ZFR: variants seen among roughly 807,000 people sequenced by gnomAD.
ZFR encodes the protein zinc finger RNA-binding protein.
A neutral mutation model predicts 130.7 loss-of-function variants in ZFR; 19 were observed. The observed-to-expected ratio is 0.15, with a 90% confidence interval of 0.10 to 0.21. ZFR has a LOEUF of 0.21. ZFR is among the 10% of genes least tolerant of loss of function. ZFR has a pLI of 1.00. For synonymous variants in ZFR, 466 were observed against 456.9 expected, an observed-to-expected ratio of 1.02 and a Z score of -0.25; for missense variants, 872 against 1,321.5, an observed-to-expected ratio of 0.66 and a Z score of 5.27.
At chr5:32,395,101 C>G in intron 11 of ZFR, 58 bp downstream of exon 11, 6 of 1,487,406 alleles carry the variant, frequency 4.0e-6, no homozygotes, top group Non-Finnish European at 5.4e-6. Flanking sequence ...CTCAGAATGG[C>G]TAAGTTTTTA....
At chr5:32,441,911 A>G (rs190739187) in intron 2 of ZFR, among the ~76,000 whole-genome samples, 1 of 151,766 alleles carries the variant, frequency 6.6e-6, no homozygotes, top group Admixed American at 6.6e-5. Flanking sequence ...CAATTTAGTA[A>G]CCTGGATTGT....
At position 32,355,878 on chromosome 5, in the gene ZFR, G is replaced by A. The variant is rs188587725; in HGVS notation, c.3107C>T (p.Pro1036Leu). The change falls in exon 20 of 20, where the codon CCG becomes CTG. Residue 1036 changes from proline (P) to leucine (L), a missense_variant. Coordinates refer to ENST00000265069, the MANE Select transcript of ZFR (RefSeq NM_016107.5). Reference sequence around the variant, plus strand: ...GATGTTAAAACGTTGGCTCATTTGCGGTAATGGATCCATGCCTAGAACTTT... The same window carrying A: ...GATGTTAAAACGTTGGCTCATTTGCAGTAATGGATCCATGCCTAGAACTTT... ...IHKVLGMDPL[P>L]QMSQRFNIHN... 43 of 1,611,248 alleles carry A rather than the reference G, an allele frequency of 2.7e-5. No individual in the cohort carries two copies. The Admixed American group carries it at 3.0e-4, about 11-fold the overall frequency.
chr5:32,432,375 T>G (rs1209603377), intron 2 of ZFR, among the ~76,000 whole-genome samples: 1 of 152,174 alleles, frequency 6.6e-6, no homozygotes, highest in East Asian at 1.9e-4. Flanking sequence ...TGGCCCATTG[T>G]GGTTTTGATT....
Position 32,355,726 on chromosome 5 carries a change from T to G in ZFR, c.*34A>C. The G allele has an allele frequency of 6.6e-7, 1 of 1,520,270 alleles. No homozygotes were observed. The highest frequency in any genetic ancestry group is 1.4e-5 in the African/African-American group (1 of 70,860). 94.2% of individuals were successfully genotyped at this position (1,520,270 alleles called of 1,614,324 possible). On this transcript the variant is annotated 3_prime_UTR_variant, in exon 20 of 20. Coordinates refer to ENST00000265069, the MANE Select transcript of ZFR (RefSeq NM_016107.5). ...GAAAAACAGCCAACAAATGGGCATC[T>G]GTTTTTTTAACACTGAAGATTTACA...
At chr5:32,424,622 C>A (rs1226067558) in intron 2 of ZFR, among the ~76,000 whole-genome samples, 1 of 151,410 alleles carries the variant, frequency 6.6e-6, no homozygotes, top group African/African-American at 2.4e-5. Flanking sequence ...CAATAAAAGA[C>A]TTTATAGGTG....
intron 2 of ZFR, among the ~76,000 whole-genome samples, chr5:32,435,715 C>A (rs1028359157): frequency 1.3e-5 from 2 of 152,244 alleles, no homozygotes; most frequent in South Asian, 2.1e-4. Flanking sequence ...CCATTTAATG[C>A]TGACTACCAT....
intron 8 of ZFR, among the ~76,000 whole-genome samples, chr5:32,402,788 A>G (rs1753487489): frequency 6.6e-6 from 1 of 151,644 alleles, no homozygotes; most frequent in East Asian, 1.9e-4. Context: ...AAAAATGAAA[A>G]AAAAAAAAAC....
intron 17 of ZFR, among the ~76,000 whole-genome samples, chr5:32,376,119 G>A (rs1752802791): frequency 6.6e-6 from 1 of 151,770 alleles, no homozygotes; most frequent in African/African-American, 2.4e-5. Flanking sequence ...TGGGATTACA[G>A]GCATGAGCCA....
At chr5:32,440,781 TA>T (rs1342007529) in intron 2 of ZFR, among the ~76,000 whole-genome samples, 1 of 152,128 alleles carries the variant, frequency 6.6e-6, no homozygotes, top group African/African-American at 2.4e-5. Flanking sequence ...AAAAATGTGG[TA>T]ACTAATCTAC....
chr5:32,402,209 T>G (rs566140913), intron 8 of ZFR, among the ~76,000 whole-genome samples: 18 of 152,290 alleles, frequency 1.2e-4, no homozygotes, highest in African/African-American at 4.3e-4. Context: ...CACTACCATT[T>G]AATGAACACA....
chr5:32,389,925 C>T (rs960120833), intron 12 of ZFR, among the ~76,000 whole-genome samples: 5 of 152,156 alleles, frequency 3.3e-5, no homozygotes, highest in African/African-American at 9.7e-5. Flanking sequence ...CCCAGGCGGA[C>T]GGATCTCCTG....
intron 2 of ZFR, among the ~76,000 whole-genome samples, chr5:32,440,254 T>G (rs1385057964): frequency 6.6e-6 from 1 of 152,216 alleles, no homozygotes; most frequent in Non-Finnish European, 1.5e-5. Context: ...TGAAATCTGC[T>G]TTATCCTGTG....
chr5:32,416,976 A>G (rs1466600399), intron 4 of ZFR, among the ~76,000 whole-genome samples: 1 of 151,206 alleles, frequency 6.6e-6, no homozygotes, highest in Non-Finnish European at 1.5e-5. Context: ...GGTTTGTTAC[A>G]TATGTATACA....
At chr5:32,430,178 C>T (rs1332541459) in intron 2 of ZFR, among the ~76,000 whole-genome samples, 3 of 150,554 alleles carry the variant, frequency 2.0e-5, no homozygotes, top group Non-Finnish European at 2.9e-5. Flanking sequence ...TTTTTTGAGA[C>T]CACAGGCATT....
chr5:32,437,396 A>G (rs1754362863), intron 2 of ZFR, among the ~76,000 whole-genome samples: 1 of 152,174 alleles, frequency 6.6e-6, no homozygotes, highest in South Asian at 2.1e-4. Context: ...ATACAAGACT[A>G]ATATTCAAAT....
intron 17 of ZFR, among the ~76,000 whole-genome samples, chr5:32,378,171 T>A (rs1171041484): frequency 6.6e-6 from 1 of 152,220 alleles, no homozygotes; most frequent in African/African-American, 2.4e-5. Flanking sequence ...TAGCAATTTA[T>A]TCCGCCCTCA....
chr5:32,432,987 C>CT (rs1314954681), intron 2 of ZFR, among the ~76,000 whole-genome samples: 3 of 151,988 alleles, frequency 2.0e-5, no homozygotes, highest in African/African-American at 4.8e-5. Context: ...CCGCTTCAGC[C>CT]TCCCAAAGTG....
In ZFR at chr5:32,432,575, TC is replaced by T. The variant is rs1193063060; in HGVS notation, c.137+11653del. ...AAACTCCTGAGGTCAAGTAATCCTC[TC>T]CCCTCAGCCTCCCAAAGTGTTGGGA... On this transcript the variant is annotated intron_variant, in intron 2 of 19. Transcript: ENST00000265069. 9.9e-5 allele frequency among the ~76,000 whole-genome samples: 15 copies of T among 152,202 alleles called. 1 individual carries two copies. The East Asian group carries it at 2.5e-3, about 25-fold the overall frequency.
At position 32,355,615 on chromosome 5, in the gene ZFR, T is replaced by C; in HGVS notation, c.*145A>G. The C allele has an allele frequency of 1.3e-6, 1 of 753,178 alleles. No homozygotes were observed. Among genetic ancestry groups the C allele is most frequent in the Non-Finnish European group, 2.0e-6 (1 of 504,482 alleles). The allele number at this position is 753,178 out of a possible 1,614,324, so 46.7% of individuals were successfully genotyped here. A position where few individuals can be genotyped will look rare whatever the true frequency, so the allele number is the denominator to read the frequency against. On this transcript the variant is annotated 3_prime_UTR_variant, in exon 20 of 20. Coordinates refer to ENST00000265069, the MANE Select transcript of ZFR (RefSeq NM_016107.5). ...TTCAAATAATACCTAACACTGTACA[T>C]TTTTTAATATCATAGAAAAACTTGG...
Sources: allele counts gnomAD v4.1 joint callset (sites outside exome capture counted in the v4.1 genomes callset), GRCh38; gene constraint gnomAD v4.1.1; transcripts MANE v1.5; gene names NCBI Gene and HGNC (gene_info 2026-07-23, HGNC 2026-07-21).